The following WWOX variants were observed in gnomAD, a reference collection of about 807,000 sequenced individuals.
The protein encoded by WWOX is WW domain containing oxidoreductase, also known as WW domain-containing oxidoreductase.
A neutral mutation model predicts 46.2 loss-of-function variants in WWOX; 69 were observed. That is an observed-to-expected ratio of 1.49 (90% CI 1.23 to 1.82). The LOEUF (loss-of-function observed/expected upper bound fraction) is 1.82, where lower values mean the gene tolerates loss of function less well. Ranked by LOEUF, WWOX falls within the 40% of genes most tolerant of loss-of-function variation. WWOX has a pLI of 0.00. For synonymous variants in WWOX, 359 were observed against 202.6 expected, an observed-to-expected ratio of 1.77 and a Z score of -6.56; for missense variants, 919 against 542.6, an observed-to-expected ratio of 1.69 and a Z score of -6.89.
chr16:78,744,525 G>C (rs2049303516), intron 8 of WWOX, among the ~76,000 whole-genome samples: 2 of 146,564 alleles, frequency 1.4e-5, no homozygotes, highest in African/African-American at 2.5e-5. Context: ...TCTGCCTCCT[G>C]GGTTCAAGCA....
chr16:79,048,127 C>A (rs909838735), intron 8 of WWOX, among the ~76,000 whole-genome samples: 22 of 152,142 alleles, frequency 1.4e-4, no homozygotes, highest in Non-Finnish European at 2.9e-5. Flanking sequence ...CACGGAAAAT[C>A]ATTTTCTATT....
intron 6 of WWOX, among the ~76,000 whole-genome samples, chr16:78,403,573 A>G (rs966764725): frequency 2.0e-5 from 3 of 152,264 alleles, no homozygotes; most frequent in African/African-American, 7.2e-5. Flanking sequence ...CAAGTGGGTA[A>G]AATGCTTTGA....
At chr16:78,232,926 C>G (rs536771439) in intron 5 of WWOX, among the ~76,000 whole-genome samples, 1 of 152,150 alleles carries the variant, frequency 6.6e-6, no homozygotes, top group Non-Finnish European at 1.5e-5. Context: ...ACTGCAATCT[C>G]TGCCTCCTGG....
intron 8 of WWOX, among the ~76,000 whole-genome samples, chr16:78,783,815 T>C (rs1478313122): frequency 6.6e-6 from 1 of 151,672 alleles, no homozygotes; most frequent in Non-Finnish European, 1.5e-5. Context: ...GTGATGATGA[T>C]GGTGATAAGA....
intron 6 of WWOX, among the ~76,000 whole-genome samples, chr16:78,422,822 CACACAT>C: frequency 8.0e-6 from 1 of 124,888 alleles, no homozygotes; most frequent in African/African-American, 3.6e-5. Context: ...TATATATACA[CACACAT>C]ATATATATAT....
At chr16:79,042,465 C>G (rs16949372) in intron 8 of WWOX, among the ~76,000 whole-genome samples, 3,557 of 152,198 alleles carry the variant, frequency 0.023, 145 homozygotes, top group African/African-American at 0.081. Flanking sequence ...CTTCCTCTGC[C>G]CAGTGTAAAT....
chr16:79,183,987 C>G (rs1033381475), intron 8 of WWOX, among the ~76,000 whole-genome samples: 2 of 152,232 alleles, frequency 1.3e-5, no homozygotes, highest in African/African-American at 4.8e-5. Context: ...GTCACTTTCT[C>G]AACTCTCCTC....
intron 8 of WWOX, among the ~76,000 whole-genome samples, chr16:78,735,723 CAAT>C (rs1324941217): frequency 6.6e-6 from 1 of 152,168 alleles, no homozygotes; most frequent in Non-Finnish European, 1.5e-5. Flanking sequence ...AGTTCTATGT[CAAT>C]GATGGTACCA....
intron 5 of WWOX, among the ~76,000 whole-genome samples, chr16:78,277,936 G>T (rs913178478): frequency 5.9e-5 from 9 of 152,202 alleles, no homozygotes; most frequent in African/African-American, 2.2e-4. Flanking sequence ...TGTTAATGCT[G>T]ACTTGGCCCA....
chr16:78,160,436 A>T (rs2034757412), intron 4 of WWOX, among the ~76,000 whole-genome samples: 1 of 152,092 alleles, frequency 6.6e-6, no homozygotes, highest in African/African-American at 2.4e-5. Flanking sequence ...TCTTTTTAAT[A>T]TATGTAGTTA....
chr16:79,090,541 T>C (rs558672558), intron 8 of WWOX, among the ~76,000 whole-genome samples: 36 of 152,100 alleles, frequency 2.4e-4, no homozygotes, highest in African/African-American at 8.4e-4. Flanking sequence ...CAAGGATAAG[T>C]GCTGTAAAGA....
intron 8 of WWOX, among the ~76,000 whole-genome samples, chr16:78,845,801 G>A (rs1167111142): frequency 6.6e-6 from 1 of 152,192 alleles, no homozygotes; most frequent in African/African-American, 2.4e-5. Context: ...GACATTATAA[G>A]CTGGCTTATG....
At chr16:78,573,150 TG>T (rs2044760971) in intron 8 of WWOX, among the ~76,000 whole-genome samples, 1 of 151,996 alleles carries the variant, frequency 6.6e-6, no homozygotes, top group South Asian at 2.1e-4. Flanking sequence ...CCAGGCATGG[TG>T]GCGGGGTGCC....
At chr16:79,091,805 G>A (rs1393705083) in intron 8 of WWOX, among the ~76,000 whole-genome samples, 1 of 118,724 alleles carries the variant, frequency 8.4e-6, no homozygotes, top group Non-Finnish European at 1.6e-5. Context: ...TTTTTGAGAC[G>A]GAGTCTAGCT....
rs562292796 is a variant in WWOX, at chr16:78,379,401, C to T, written c.517-7459C>T. On this transcript the variant is annotated intron_variant, in intron 5 of 8. Coordinates refer to ENST00000566780, the MANE Select transcript of WWOX (RefSeq NM_016373.4). The stretch of plus-strand genomic sequence containing the variant: ...GTTAAAAGAGAATTTCCTCCAGATA[C>T]AATGGAGGCCACGTTCAACACAGCC... 7.9e-5 allele frequency among the ~76,000 whole-genome samples: 12 copies of T among 152,234 alleles called. No individual in the cohort carries two copies. In the East Asian group the frequency reaches 1.7e-3, roughly 22 times the overall value.
At chr16:78,972,470 GAAA>G (rs11375724) in intron 8 of WWOX, among the ~76,000 whole-genome samples, 8 of 143,002 alleles carry the variant, frequency 5.6e-5, no homozygotes, top group East Asian at 2.0e-4. Flanking sequence ...AAGCAGGGGT[GAAA>G]AAAAAAAAAA....
intron 4 of WWOX, among the ~76,000 whole-genome samples, chr16:78,163,582 G>C (rs1364414430): frequency 6.6e-6 from 1 of 152,152 alleles, no homozygotes; most frequent in Non-Finnish European, 1.5e-5. Context: ...GCAGATCTTG[G>C]CCCCCAAAAT....
intron 8 of WWOX, among the ~76,000 whole-genome samples, chr16:78,997,147 T>C (rs1043126057): frequency 6.7e-6 from 1 of 150,162 alleles, no homozygotes; most frequent in Non-Finnish European, 1.5e-5. Flanking sequence ...TGTGTGTGCC[T>C]GGTGAGGGGG....
chr16:78,416,960 G>A lies in WWOX; in HGVS notation c.606-7910G>A, dbSNP rs146835201. Reference sequence around the variant, plus strand: ...GGCTGAGCTACAGTTTCTCTAAGAAGTTGGTTCTGTCCATTTCAGGGAGCT... The same window carrying A: ...GGCTGAGCTACAGTTTCTCTAAGAAATTGGTTCTGTCCATTTCAGGGAGCT... On this transcript the variant is annotated intron_variant, in intron 6 of 8. Coordinates refer to ENST00000566780, the MANE Select transcript of WWOX (RefSeq NM_016373.4). 3.1e-3 allele frequency among the ~76,000 whole-genome samples: 464 copies of A among 151,994 alleles called. 2 individuals carry two copies. The highest frequency in any genetic ancestry group is 0.02 in the Middle Eastern group (6 of 294).
Sources: gnomAD v4.1 joint callset for allele counts (sites outside exome capture counted in the v4.1 genomes callset) on GRCh38, gnomAD v4.1.1 for gene constraint, MANE v1.5 for transcripts, NCBI Gene and HGNC (gene_info 2026-07-23, HGNC 2026-07-21) for gene names.